Variants in SETD5 observed in about 807,000 individuals in gnomAD.
SETD5 encodes the protein SET domain containing 5.
Under a neutral mutation model 153.3 loss-of-function variants are expected in SETD5, and 44 were observed. That is an observed-to-expected ratio of 0.29 (90% CI 0.23 to 0.37). The LOEUF (loss-of-function observed/expected upper bound fraction) is 0.37, where lower values mean the gene tolerates loss of function less well. SETD5 is among the 10% of genes least tolerant of loss of function. SETD5 has a pLI of 1.00. For missense variants in SETD5, 1,544 were observed against 1,768.0 expected, an observed-to-expected ratio of 0.87 and a Z score of 2.27; for synonymous variants, 716 against 645.2, an observed-to-expected ratio of 1.11 and a Z score of -1.66.
At chr3:9,455,295 G>A (rs1307184264) in intron 17 of SETD5, among the ~76,000 whole-genome samples, 4 of 149,730 alleles carry the variant, frequency 2.7e-5, no homozygotes, top group Admixed American at 2.0e-4. Context: ...GAGTAGAGAC[G>A]GGGTTTCACC....
chr3:9,399,590 A>G lies in SETD5; in HGVS notation c.-177+1613A>G, dbSNP rs1575123007. On this transcript the variant is annotated intron_variant, in intron 1 of 22. Transcript: ENST00000402198. ...ATTATGCCCTTTGGTAGGACATGAC[A>G]CAAGGCTCTGTTTCTAGCTGCAAAT... 2.0e-5 allele frequency among the ~76,000 whole-genome samples: 3 copies of G among 152,350 alleles called. No homozygotes were observed. In the South Asian group the frequency reaches 6.2e-4, roughly 32 times the overall value.
chr3:9,467,923 A>G (rs2044804592), intron 18 of SETD5, among the ~76,000 whole-genome samples: 2 of 151,916 alleles, frequency 1.3e-5, no homozygotes, highest in African/African-American at 4.8e-5. Flanking sequence ...GATTATGCCA[A>G]GAACCAACTC....
chr3:9,441,906 A>G (rs532612538), intron 9 of SETD5, among the ~76,000 whole-genome samples, 165 bp downstream of exon 9: 10 of 152,368 alleles, frequency 6.6e-5, no homozygotes, highest in African/African-American at 2.4e-4. Flanking sequence ...GTAAATCTTC[A>G]AATTGTTCAA....
chr3:9,399,416 A>G (rs1262411908), intron 1 of SETD5, among the ~76,000 whole-genome samples: 1 of 152,066 alleles, frequency 6.6e-6, no homozygotes, highest in Non-Finnish European at 1.5e-5. Flanking sequence ...TCTGGGCTCC[A>G]TAGAGGACGT....
At chr3:9,436,000 C>A in intron 7 of SETD5, 94 bp downstream of exon 7, 1 of 1,284,486 alleles carries the variant, frequency 7.8e-7, no homozygotes, top group Non-Finnish European at 1.1e-6. Context: ...GAAGTTTGAT[C>A]CAGGTGTTTG....
rs2038865319 is a variant in SETD5, at chr3:9,424,531, C to T, written c.-117+5C>T. The T allele has an allele frequency of 6.6e-6, 1 of 152,166 alleles. No homozygotes were observed. The highest frequency in any genetic ancestry group is 2.4e-5 in the African/African-American group (1 of 41,434). 9.4% of individuals were successfully genotyped at this position (152,166 alleles called of 1,614,324 possible). ...TATTCAGAAGTCTATATAAAGGTGA[C>T]TGACCCAAGTAAATCCTTTTAATTT... On this transcript the variant is annotated splice_donor_5th_base_variant and intron_variant, in intron 2 of 22. Coordinates refer to ENST00000402198, the MANE Select transcript of SETD5 (RefSeq NM_001080517.3).
At chr3:9,405,520 A>C (rs1368498135) in intron 1 of SETD5, among the ~76,000 whole-genome samples, 1 of 152,154 alleles carries the variant, frequency 6.6e-6, no homozygotes, top group East Asian at 1.9e-4. Context: ...CAAAGGGGGA[A>C]ATTTTATTTT....
chr3:9,410,469 T>G (rs115172366), intron 1 of SETD5, among the ~76,000 whole-genome samples: 53 of 152,372 alleles, frequency 3.5e-4, no homozygotes, highest in African/African-American at 1.3e-3. Flanking sequence ...GAGGTTAATT[T>G]GTTACATTTT....
chr3:9,407,953 T>C (rs901655843), intron 1 of SETD5, among the ~76,000 whole-genome samples: 21 of 152,078 alleles, frequency 1.4e-4, no homozygotes, highest in Non-Finnish European at 2.8e-4. Context: ...TGAGCTGAGA[T>C]TGCGCCATTG....
chr3:9,397,675 C>CGCCGCCGCCGCT lies in SETD5; in HGVS notation c.-474_-463dup, dbSNP rs1223960363. 5.5e-6 allele frequency: 1 copy of CGCCGCCGCCGCT among 180,460 alleles called. No individual in the cohort carries two copies. Among genetic ancestry groups the CGCCGCCGCCGCT allele is most frequent in the African/African-American group, 2.4e-5 (1 of 41,548 alleles). 11.2% of individuals were successfully genotyped at this position (180,460 alleles called of 1,614,324 possible). On this transcript the variant is annotated 5_prime_UTR_variant, in exon 1 of 23. Coordinates refer to ENST00000402198, the MANE Select transcript of SETD5 (RefSeq NM_001080517.3). ...CTGCCGCCGCCGCCGCCGCCGCCGC[C>CGCCGCCGCCGCT]GCCGCCGCCGCTGCCGGGGGAGGGG...
At chr3:9,426,441 A>G (rs1185094417) in intron 2 of SETD5, among the ~76,000 whole-genome samples, 3 of 150,790 alleles carry the variant, frequency 2.0e-5, no homozygotes, top group African/African-American at 4.9e-5. Context: ...CTGTCGCCCA[A>G]GCTGGAGTGC....
At chr3:9,464,832 G>T in intron 18 of SETD5, 160 bp downstream of exon 18, 9 of 1,147,476 alleles carry the variant, frequency 7.8e-6, no homozygotes, top group Non-Finnish European at 1.1e-5. Flanking sequence ...CTGTTACCTG[G>T]TAGCCTCTCA....
At chr3:9,430,609 C>T (rs1196837793) in intron 3 of SETD5, 1 of 194,544 alleles carries the variant, frequency 5.1e-6, no homozygotes, top group East Asian at 1.9e-4. Flanking sequence ...CAGCTACTAA[C>T]CTGGTACTAT....
At chr3:9,440,416 G>T in intron 7 of SETD5, 40 bp from the exon 8 acceptor site, 1 of 1,085,602 alleles carries the variant, frequency 9.2e-7, no homozygotes, top group Non-Finnish European at 1.4e-6. Flanking sequence ...CTCTATTTAT[G>T]CATGGACTTT....
intron 17 of SETD5, among the ~76,000 whole-genome samples, chr3:9,458,480 A>G (rs980251582): frequency 6.6e-6 from 1 of 152,086 alleles, no homozygotes; most frequent in Admixed American, 6.6e-5. Flanking sequence ...GCCAGGCATG[A>G]TGGTGGGTTG....
At chr3:9,475,248 T>C (rs1329088971) in intron 22 of SETD5, 92 bp downstream of exon 22, 1 of 1,283,404 alleles carries the variant, frequency 7.8e-7, no homozygotes, top group Non-Finnish European at 1.1e-6. Flanking sequence ...ATGCTGTCTT[T>C]GCATATAGTT....
rs1559399698 is a variant in SETD5 at position 9,434,168 on chromosome 3, C to T, written c.178-166C>T. ...TGTTTTATCACTTTCCTGGTTGAAG[C>T]CAAAAAACAAAGGGTACTACTTTCT... On this transcript the variant is annotated intron_variant, in intron 4 of 22. Coordinates refer to ENST00000402198, the MANE Select transcript of SETD5 (RefSeq NM_001080517.3). This position sits in a 1 kb window ranked among gnomAD's most constrained non-coding sequence, Gnocchi z 5.6. 6.5e-7 allele frequency: 1 copy of T among 1,548,686 alleles called. No homozygotes were observed. Among genetic ancestry groups the T allele is most frequent in the Non-Finnish European group, 8.7e-7 (1 of 1,146,264 alleles).
intron 17 of SETD5, among the ~76,000 whole-genome samples, chr3:9,454,622 C>CAAAAAAAAAAAAAAAAAAAAAAAAA (rs67028533): frequency 1.7e-5 from 1 of 57,986 alleles, no homozygotes; most frequent in Non-Finnish European, 3.2e-5. Context: ...AACTCCGTCT[C>CAAAAAAAAAAAAAAAAAAAAAAAAA]AAAAAAAAAA....
intron 1 of SETD5, among the ~76,000 whole-genome samples, chr3:9,419,080 G>A (rs1035496745): frequency 6.6e-6 from 1 of 152,062 alleles, no homozygotes; most frequent in Non-Finnish European, 1.5e-5. Context: ...ACCCGCCTTG[G>A]CCTCCCAAAG....
Sources: gnomAD v4.1 joint callset for allele counts (sites outside exome capture counted in the v4.1 genomes callset) on GRCh38, gnomAD v4.1.1 for gene constraint, Gnocchi (gnomAD v3.1) non-coding constraint, MANE v1.5 for transcripts, NCBI Gene and HGNC (gene_info 2026-07-23, HGNC 2026-07-21) for gene names.